The following CTPS2 variants were observed in gnomAD, a reference collection of about 807,000 sequenced individuals.
The protein encoded by CTPS2 is CTP synthase 2.
Under a neutral mutation model 46.8 loss-of-function variants are expected in CTPS2, and 19 were observed. The observed-to-expected ratio is 0.41, with a 90% CI of 0.28 to 0.60. The LOEUF (loss-of-function observed/expected upper bound fraction) is 0.60, where lower values mean the gene tolerates loss of function less well. CTPS2 is among the 20% of genes least tolerant of loss of function. The pLI is 0.35. For synonymous variants in CTPS2, 151 were observed against 165.2 expected, an observed-to-expected ratio of 0.91 and a Z score of 0.66; for missense variants, 286 against 447.6, an observed-to-expected ratio of 0.64 and a Z score of 3.26.
chrX:16,654,449 T>C (rs777764213), intron 13 of CTPS2: 32 of 1,202,191 alleles, frequency 2.7e-5, no homozygotes, highest in Non-Finnish European at 3.1e-5. Context: ...TGGACAAGAA[T>C]GGAGATGGAG....
At chrX:16,620,156 C>T in intron 15 of CTPS2, 121 bp downstream of exon 15, 1 of 522,741 alleles carries the variant, frequency 1.9e-6, no homozygotes, top group Non-Finnish European at 3.1e-6. Flanking sequence ...GAAATTTGGT[C>T]CTCTCTGAGC....
intron 9 of CTPS2, among the ~76,000 whole-genome samples, chrX:16,681,199 CTAAT>C (rs968328509): frequency 1.4e-4 from 16 of 110,458 alleles, no homozygotes; most frequent in Non-Finnish European, 2.8e-4. Flanking sequence ...AAGTAATTAA[CTAAT>C]TAATTAATTA....
chrX:16,615,491 C>T (rs1490001215), intron 16 of CTPS2, among the ~76,000 whole-genome samples: 4 of 111,748 alleles, frequency 3.6e-5, no homozygotes, highest in Admixed American at 9.5e-5. Context: ...ATGTTTCCCC[C>T]GCCTTTCCAT....
intron 11 of CTPS2, among the ~76,000 whole-genome samples, chrX:16,670,015 G>A: frequency 9.1e-6 from 1 of 109,648 alleles, no homozygotes; most frequent in East Asian, 2.8e-4. Context: ...CTTGAGCCCA[G>A]GAGTTTGAGG....
intron 13 of CTPS2, among the ~76,000 whole-genome samples, chrX:16,641,783 T>C (rs778001258): frequency 8.9e-6 from 1 of 112,137 alleles, no homozygotes; most frequent in South Asian, 3.7e-4. Context: ...TCTGCCTTAC[T>C]GCTTACTTGG....
chrX:16,672,692 C>T (rs1211499975), intron 10 of CTPS2, among the ~76,000 whole-genome samples: 4 of 110,685 alleles, frequency 3.6e-5, no homozygotes, highest in Non-Finnish European at 7.6e-5. Context: ...TGCAGCCAGC[C>T]GGGTCACTAG....
At chrX:16,650,484 A>T (rs1338418414) in intron 13 of CTPS2, among the ~76,000 whole-genome samples, 1 of 108,959 alleles carries the variant, frequency 9.2e-6, no homozygotes, top group East Asian at 2.9e-4. Flanking sequence ...CTCTAAGAAC[A>T]GACATTTAAC....
At chrX:16,684,991 T>C (rs1350118696) in intron 8 of CTPS2, among the ~76,000 whole-genome samples, 1 of 110,608 alleles carries the variant, frequency 9.0e-6, no homozygotes, top group Non-Finnish European at 1.9e-5. Flanking sequence ...CTCAGGAGAC[T>C]GAGGAAGGAG....
At chrX:16,639,842 GGAAAA>G (rs1187313693) in intron 13 of CTPS2, among the ~76,000 whole-genome samples, 1 of 102,150 alleles carries the variant, frequency 9.8e-6, no homozygotes. Context: ...GAAAAGAAAA[GGAAAA>G]GAAAAGAAAA....
chrX:16,699,654 C>A (rs924133466), intron 2 of CTPS2, among the ~76,000 whole-genome samples: 1 of 112,421 alleles, frequency 8.9e-6, no homozygotes, highest in Non-Finnish European at 1.9e-5. Context: ...CTACTAGACA[C>A]GTCTGTAGAT....
chrX:16,673,799 G>T (rs1921979603), intron 10 of CTPS2, among the ~76,000 whole-genome samples: 1 of 111,626 alleles, frequency 9.0e-6, no homozygotes, highest in Non-Finnish European at 1.9e-5. Flanking sequence ...GTCATAAACT[G>T]CTTTGACTCT....
At chrX:16,690,863 G>A (rs983116893) in intron 7 of CTPS2, among the ~76,000 whole-genome samples, 3 of 112,685 alleles carry the variant, frequency 2.7e-5, no homozygotes, top group Admixed American at 9.5e-5. Context: ...GAGCTAGTGC[G>A]AATGTCAACG....
intron 14 of CTPS2, among the ~76,000 whole-genome samples, chrX:16,623,823 T>C (rs1294178388): frequency 7.2e-5 from 6 of 83,508 alleles, no homozygotes; most frequent in African/African-American, 2.6e-4. Context: ...TTTTTTTTTT[T>C]TCTGAGACGG....
intron 13 of CTPS2, among the ~76,000 whole-genome samples, chrX:16,656,445 T>C (rs1303947129): frequency 9.1e-6 from 1 of 109,590 alleles, no homozygotes; most frequent in Non-Finnish European, 1.9e-5. Flanking sequence ...AGTCTCGCTC[T>C]GTCGCCCAGG....
intron 17 of CTPS2, among the ~76,000 whole-genome samples, chrX:16,595,463 C>T (rs1282990380): frequency 3.6e-5 from 4 of 110,499 alleles, no homozygotes; most frequent in Admixed American, 9.7e-5. Context: ...CCCATCACCA[C>T]GCCCAGCTAA....
intron 4 of CTPS2, among the ~76,000 whole-genome samples, chrX:16,694,038 C>T (rs776833048): frequency 2.7e-5 from 3 of 110,469 alleles, no homozygotes; most frequent in Admixed American, 9.7e-5. Context: ...GTGGGGCACA[C>T]CTGTAGTCCC....
At chrX:16,595,190 C>CGT (rs1929166189) in intron 17 of CTPS2, among the ~76,000 whole-genome samples, 1 of 111,799 alleles carries the variant, frequency 8.9e-6, no homozygotes, top group Non-Finnish European at 1.9e-5. Flanking sequence ...CACACACACA[C>CGT]ACGTTTCTCA....
At chrX:16,699,699 G>A (rs1318415820) in intron 2 of CTPS2, among the ~76,000 whole-genome samples, 1 of 112,343 alleles carries the variant, frequency 8.9e-6, no homozygotes, top group Non-Finnish European at 1.9e-5. Flanking sequence ...ACTGAGAGTC[G>A]TATGTTTCTA....
rs189169642 is a variant in CTPS2 at position 16,699,336 on chromosome X, A to C, written c.167-243T>G. ...TACTGAAATTCTGTCTTCAAGATTT[A>C]GCTTTTCCAAACTCAACATATGCCA... On this transcript the variant is annotated intron_variant, in intron 2 of 18. Coordinates refer to ENST00000359276, the MANE Select transcript of CTPS2 (RefSeq NM_175859.3). Among the ~76,000 whole-genome samples, 276 of 111,948 alleles carry C rather than the reference A, an allele frequency of 2.5e-3. 1 individual carries two copies. Among genetic ancestry groups the C allele is most frequent in the Non-Finnish European group, 4.0e-3 (213 of 53,253 alleles).
Sources: gnomAD v4.1 joint callset for allele counts (sites outside exome capture counted in the v4.1 genomes callset) on GRCh38, gnomAD v4.1.1 for gene constraint, MANE v1.5 for transcripts, NCBI Gene and HGNC (gene_info 2026-07-23, HGNC 2026-07-21) for gene names.